ANKRD45: variants seen among roughly 807,000 people sequenced by gnomAD.
The protein encoded by ANKRD45 is ankyrin repeat domain-containing protein 45.
A neutral mutation model predicts 28.1 loss-of-function variants in ANKRD45; 21 were observed. The observed-to-expected ratio is 0.75, with a 90% CI of 0.53 to 1.08. The LOEUF (loss-of-function observed/expected upper bound fraction) is 1.08. Ranked by LOEUF, ANKRD45 falls within the 50% of genes least tolerant of loss-of-function variation. The pLI, the probability that ANKRD45 is intolerant of heterozygous loss-of-function variation, is 0.00. For synonymous variants in ANKRD45, 86 were observed against 103.9 expected (o/e 0.83, Z 1.05); for missense variants, 261 against 308.7 (o/e 0.85, Z 1.16).
At chr1:173,639,589 T>C (rs148667119) in intron 3 of ANKRD45, among the ~76,000 whole-genome samples, 43 of 152,312 alleles carry the variant, frequency 2.8e-4, no homozygotes, top group African/African-American at 9.6e-4. Context: ...TAGGAATTTA[T>C]ACCCTAGCCA....
intron 3 of ANKRD45, among the ~76,000 whole-genome samples, chr1:173,640,768 A>G (rs561679658): frequency 6.6e-6 from 1 of 152,314 alleles, no homozygotes; most frequent in Non-Finnish European, 1.5e-5. Flanking sequence ...CCTGCAGCTG[A>G]GACACCAATT....
At chr1:173,612,350 A>G (rs1667203207) in intron 5 of ANKRD45, among the ~76,000 whole-genome samples, 1 of 151,606 alleles carries the variant, frequency 6.6e-6, no homozygotes, top group South Asian at 2.1e-4. Flanking sequence ...GAAGGAAGGA[A>G]GGAAGGAAGG....
At chr1:173,652,841 A>G (rs548778005) in intron 2 of ANKRD45, among the ~76,000 whole-genome samples, 164 of 152,352 alleles carry the variant, frequency 1.1e-3, no homozygotes, top group South Asian at 2.1e-3. Context: ...GTATGTGTCC[A>G]GGAATTTATC....
chr1:173,706,264 T>C, the ANKRD45 span, among the ~76,000 whole-genome samples: 3 of 144,384 alleles, frequency 2.1e-5, no homozygotes. Context: ...ATTGTGCTAC[T>C]GTACTCCAGC....
chr1:173,635,851 T>A, intron 3 of ANKRD45: 1 of 1,516,682 alleles, frequency 6.6e-7, no homozygotes, highest in Non-Finnish European at 8.8e-7. Flanking sequence ...AAAAGGTGAA[T>A]TCGTGATACA....
At position 173,609,632 on chromosome 1, in the gene ANKRD45, T is replaced by C; in HGVS notation, c.*513A>G. Reference sequence around the variant, plus strand: ...AGGAGGTCAAAGATAAAGAGGGGTTTTACTCAGAGGTATACCCCACCTCAC... The same window carrying C: ...AGGAGGTCAAAGATAAAGAGGGGTTCTACTCAGAGGTATACCCCACCTCAC... On this transcript the variant is annotated 3_prime_UTR_variant, in exon 6 of 6. Coordinates refer to ENST00000333279, the MANE Select transcript of ANKRD45 (RefSeq NM_198493.3). 6.5e-6 allele frequency: 1 copy of C among 153,006 alleles called. No homozygotes were observed. Among genetic ancestry groups the C allele is most frequent in the East Asian group, 1.9e-4 (1 of 5,214 alleles). 9.5% of individuals were successfully genotyped at this position (153,006 alleles called of 1,614,324 possible). A position where few individuals can be genotyped will look rare whatever the true frequency, so the allele number is the denominator to read the frequency against.
intron 3 of ANKRD45, chr1:173,636,751 A>G: frequency 9.8e-7 from 1 of 1,019,258 alleles, no homozygotes; most frequent in Non-Finnish European, 1.4e-6. Context: ...AATTTGAACT[A>G]TATTATTAAC....
chr1:173,686,193 G>A, the ANKRD45 span, among the ~76,000 whole-genome samples: 2 of 152,082 alleles, frequency 1.3e-5, no homozygotes, highest in Admixed American at 6.5e-5. Flanking sequence ...ATCCCTACAG[G>A]GCATAACAAG....
chr1:173,641,226 G>A (rs766051879), intron 3 of ANKRD45, among the ~76,000 whole-genome samples: 29 of 152,184 alleles, frequency 1.9e-4, no homozygotes, highest in Admixed American at 1.4e-3. Context: ...TATTCCATTC[G>A]CACTTTAAAT....
At chr1:173,700,529 C>G in the ANKRD45 span, among the ~76,000 whole-genome samples, 1 of 152,122 alleles carries the variant, frequency 6.6e-6, no homozygotes, top group Non-Finnish European at 1.5e-5. Context: ...ATATCTACAA[C>G]CATCTGATCT....
chr1:173,615,975 C>T (rs1667451082), intron 5 of ANKRD45, among the ~76,000 whole-genome samples: 4 of 151,930 alleles, frequency 2.6e-5, no homozygotes, highest in South Asian at 2.1e-4. Flanking sequence ...TGGTGGCGGG[C>T]GCCTGTAGTC....
the ANKRD45 span, among the ~76,000 whole-genome samples, chr1:173,688,957 G>A: frequency 6.6e-6 from 1 of 152,212 alleles, no homozygotes; most frequent in South Asian, 2.1e-4. Context: ...TAGACGGGGG[G>A]TTGGGGGGAA....
chr1:173,690,167 T>A, the ANKRD45 span, among the ~76,000 whole-genome samples: 3 of 151,056 alleles, frequency 2.0e-5, no homozygotes, highest in Non-Finnish European at 2.9e-5. Flanking sequence ...AATATCTTTT[T>A]TACATTGTTC....
At chr1:173,631,962 A>C (rs914458092) in intron 3 of ANKRD45, among the ~76,000 whole-genome samples, 4 of 151,994 alleles carry the variant, frequency 2.6e-5, no homozygotes, top group Admixed American at 6.5e-5. Context: ...CCAAACCCAA[A>C]ATTAGTAGAA....
chr1:173,686,454 T>C, the ANKRD45 span, among the ~76,000 whole-genome samples: 1 of 152,064 alleles, frequency 6.6e-6, no homozygotes, highest in Non-Finnish European at 1.5e-5. Context: ...GCAGTCTTGG[T>C]GGTTAGCAGC....
At chr1:173,649,965 C>A (rs1337011106) in intron 2 of ANKRD45, among the ~76,000 whole-genome samples, 2 of 152,136 alleles carry the variant, frequency 1.3e-5, no homozygotes, top group African/African-American at 4.8e-5. Flanking sequence ...ATTAACTACA[C>A]TGACAAATTA....
the ANKRD45 span, among the ~76,000 whole-genome samples, chr1:173,682,747 A>G: frequency 1.7e-4 from 25 of 149,576 alleles, 1 homozygote; most frequent in Non-Finnish European, 1.3e-4. Context: ...CTTCTAATTA[A>G]GCTGACTTTA....
chr1:173,706,822 G>A, the ANKRD45 span, among the ~76,000 whole-genome samples: 144 of 152,192 alleles, frequency 9.5e-4, no homozygotes, highest in Admixed American at 3.1e-3. Context: ...CAGGATAATG[G>A]AAAAAGGTCA....
intron 2 of ANKRD45, among the ~76,000 whole-genome samples, chr1:173,653,922 C>CTTTTTTTTTTTTTTTTT: frequency 1.0e-5 from 1 of 100,338 alleles, no homozygotes; most frequent in Non-Finnish European, 2.1e-5. Context: ...GCAACCCTTG[C>CTTTTTTTTTTTTTTTTT]TTTTTTTTTT....
Sources: gnomAD v4.1 joint callset for allele counts (sites outside exome capture counted in the v4.1 genomes callset) on GRCh38, gnomAD v4.1.1 for gene constraint, MANE v1.5 for transcripts, NCBI Gene and HGNC (gene_info 2026-07-23, HGNC 2026-07-21) for gene names.